TPST1: variants seen among roughly 807,000 people sequenced by gnomAD.
TPST1 encodes the protein protein-tyrosine sulfotransferase 1.
A neutral mutation model predicts 34.8 loss-of-function variants in TPST1; 20 were observed. That is an observed-to-expected ratio of 0.57 (90% CI 0.40 to 0.84). TPST1 has a LOEUF of 0.84. TPST1 is among the 40% of genes least tolerant of loss of function. TPST1 has a pLI of 0.00. For synonymous variants in TPST1, 152 were observed against 159.4 expected (o/e 0.95, Z 0.35); for missense variants, 353 against 455.5 (o/e 0.78, Z 2.05).
intron 1 of TPST1, among the ~76,000 whole-genome samples, chr7:66,239,757 T>C (rs1341752119): frequency 1.3e-5 from 2 of 152,238 alleles, no homozygotes. Flanking sequence ...GGTACATAGC[T>C]TCAAAATTAC....
At chr7:66,270,456 T>C (rs1790682660) in intron 2 of TPST1, among the ~76,000 whole-genome samples, 1 of 152,222 alleles carries the variant, frequency 6.6e-6, no homozygotes, top group African/African-American at 2.4e-5. Context: ...ATCCACTATT[T>C]TGGCACCTTT....
chr7:66,351,461 C>T (rs1444528115), intron 3 of TPST1, among the ~76,000 whole-genome samples: 1 of 152,072 alleles, frequency 6.6e-6, no homozygotes, highest in Admixed American at 6.6e-5. Flanking sequence ...TGCCAAAACC[C>T]TACTGTCTTA....
At chr7:66,258,515 T>C (rs1042391806) in intron 2 of TPST1, among the ~76,000 whole-genome samples, 1 of 152,224 alleles carries the variant, frequency 6.6e-6, no homozygotes, top group Non-Finnish European at 1.5e-5. Context: ...ATCTCTCTTA[T>C]GTGTGAGCTA....
intron 5 of TPST1, chr7:66,359,295 T>C (rs947132002): frequency 6.8e-5 from 10 of 147,732 alleles, no homozygotes; most frequent in African/African-American, 2.5e-4. Context: ...ATCAGGGTGC[T>C]GCCCCCTGGA....
At chr7:66,359,538 T>C in intron 5 of TPST1, 1 of 248,520 alleles carries the variant, frequency 4.0e-6, no homozygotes, top group Non-Finnish European at 8.1e-6. Context: ...GGAATCATGG[T>C]GCTGACCCCT....
At chr7:66,203,923 T>C (rs572221371), upstream of TPST1, among the ~76,000 whole-genome samples, 188 of 152,234 alleles carry the variant, frequency 1.2e-3, 1 homozygote, top group Non-Finnish European at 2.1e-3. Context: ...ATGCCTGTAA[T>C]CCCAGCACTT....
rs190484893 is a variant in TPST1, at chr7:66,269,123, C to T, written c.846-17388C>T. ...GTTGATTAGCACCAAAGAGATTAAA[C>T]GGTGATTAAGAGATATCATTTAAAA... On this transcript the variant is annotated intron_variant, in intron 2 of 5. Coordinates refer to ENST00000304842, the MANE Select transcript of TPST1 (RefSeq NM_003596.4). 4.6e-5 allele frequency among the ~76,000 whole-genome samples: 7 copies of T among 152,214 alleles called. 1 individual carries two copies. The South Asian group carries it at 1.0e-3, about 23-fold the overall frequency.
intron 3 of TPST1, among the ~76,000 whole-genome samples, chr7:66,345,489 C>CAAAAAAAAAAAAAA (rs58837242): frequency 6.2e-5 from 4 of 64,870 alleles, no homozygotes; most frequent in African/African-American, 6.6e-5. Flanking sequence ...ACTCCATCTC[C>CAAAAAAAAAAAAAA]AAAAAAAAAA....
At chr7:66,228,119 T>A (rs543240109) in intron 1 of TPST1, among the ~76,000 whole-genome samples, 1 of 152,356 alleles carries the variant, frequency 6.6e-6, no homozygotes, top group South Asian at 2.1e-4. Context: ...TTTCTTTTTT[T>A]GTTTTTCAAA....
intron 2 of TPST1, among the ~76,000 whole-genome samples, chr7:66,282,940 A>G (rs1013102630): frequency 1.6e-4 from 25 of 152,290 alleles, no homozygotes; most frequent in African/African-American, 4.6e-4. Flanking sequence ...AGTAGCTTCA[A>G]TACATTCTTA....
chr7:66,296,627 T>C (rs1791204562), intron 3 of TPST1, among the ~76,000 whole-genome samples: 1 of 151,056 alleles, frequency 6.6e-6, no homozygotes, highest in Admixed American at 6.6e-5. Flanking sequence ...AATAACATTT[T>C]GACTGAGAAT....
At chr7:66,273,718 T>A (rs1028556342) in intron 2 of TPST1, among the ~76,000 whole-genome samples, 4 of 152,036 alleles carry the variant, frequency 2.6e-5, no homozygotes, top group African/African-American at 7.2e-5. Flanking sequence ...GATATCCACA[T>A]GAGAAGAATG....
In TPST1 at chr7:66,317,092, C is replaced by T. The variant is rs566738597; in HGVS notation, c.1044+30383C>T. Among the ~76,000 whole-genome samples the T allele has an allele frequency of 2.6e-5, 4 of 152,302 alleles. No homozygotes were observed. The South Asian group carries it at 8.3e-4, about 32-fold the overall frequency. ...TAAAATAAAAGTTAACAAAAAAAGTCTGGCATGGAAAGACATAAACATGCG... is the reference window on the plus strand; with the variant it reads ...TAAAATAAAAGTTAACAAAAAAAGTTTGGCATGGAAAGACATAAACATGCG... On this transcript the variant is annotated intron_variant, in intron 3 of 5. Transcript: ENST00000304842.
At chr7:66,302,463 T>G (rs1397212806) in intron 3 of TPST1, among the ~76,000 whole-genome samples, 1 of 152,220 alleles carries the variant, frequency 6.6e-6, no homozygotes, top group Non-Finnish European at 1.5e-5. Flanking sequence ...CAGCACTTAC[T>G]AAGATTCTCT....
At chr7:66,279,708 C>G (rs187384888) in intron 2 of TPST1, among the ~76,000 whole-genome samples, 3 of 152,248 alleles carry the variant, frequency 2.0e-5, no homozygotes, top group African/African-American at 7.2e-5. Flanking sequence ...GTAAGAGGGG[C>G]CTTTTCTCTA....
chr7:66,325,459 T>C (rs1240796963), intron 3 of TPST1, among the ~76,000 whole-genome samples: 1 of 152,046 alleles, frequency 6.6e-6, no homozygotes, highest in Non-Finnish European at 1.5e-5. Context: ...GAGAATACTA[T>C]ACAATGGTTT....
intron 1 of TPST1, among the ~76,000 whole-genome samples, chr7:66,233,518 C>T (rs960041528): frequency 4.6e-5 from 7 of 152,146 alleles, no homozygotes; most frequent in Non-Finnish European, 7.4e-5. Flanking sequence ...CCATAAACAT[C>T]GTATTTCCAG....
intron 3 of TPST1, among the ~76,000 whole-genome samples, chr7:66,292,955 C>T (rs376527831): frequency 1.2e-4 from 19 of 152,278 alleles, no homozygotes; most frequent in African/African-American, 4.6e-4. Flanking sequence ...GCCTGTAATC[C>T]CAGCACTTTG....
chr7:66,225,938 G>C (rs923262227), intron 1 of TPST1, among the ~76,000 whole-genome samples: 2 of 152,148 alleles, frequency 1.3e-5, no homozygotes, highest in African/African-American at 4.8e-5. Flanking sequence ...CCAGGTTGGA[G>C]TGCAGTGGTG....
Sources: gnomAD v4.1 joint callset for allele counts (sites outside exome capture counted in the v4.1 genomes callset) on GRCh38, gnomAD v4.1.1 for gene constraint, MANE v1.5 for transcripts, NCBI Gene and HGNC (gene_info 2026-07-23, HGNC 2026-07-21) for gene names.